The following TNR variants were observed in gnomAD, a reference collection of about 807,000 sequenced individuals.
TNR encodes the protein tenascin-R.
Under a neutral mutation model 150.4 loss-of-function variants are expected in TNR, and 45 were observed. The observed-to-expected ratio is 0.30, with a 90% CI of 0.24 to 0.38. TNR has a LOEUF of 0.38. Ranked by LOEUF, TNR falls within the 10% of genes least tolerant of loss-of-function variation. TNR has a pLI of 1.00. For missense variants in TNR, 1,544 were observed against 1,759.1 expected (o/e 0.88, Z 2.19); for synonymous variants, 687 against 678.4 (o/e 1.01, Z -0.20).
At chr1:175,695,680 G>T (rs1025632533) in intron 1 of TNR, among the ~76,000 whole-genome samples, 2 of 152,096 alleles carry the variant, frequency 1.3e-5, no homozygotes, top group Non-Finnish European at 1.5e-5. Flanking sequence ...CCTACTCATT[G>T]TCTTGATCTC....
intron 2 of TNR, among the ~76,000 whole-genome samples, chr1:175,421,738 G>T (rs944917850): frequency 6.6e-6 from 1 of 152,186 alleles, no homozygotes. Flanking sequence ...ACGTGGGACT[G>T]GTGGCTAGGT....
At chr1:175,457,079 G>A (rs917554684) in intron 2 of TNR, among the ~76,000 whole-genome samples, 2 of 152,104 alleles carry the variant, frequency 1.3e-5, no homozygotes, top group Non-Finnish European at 2.9e-5. Context: ...CATTTCTGAG[G>A]CATTAAGCTT....
At chr1:175,417,894 T>G (rs12756192) in intron 2 of TNR, among the ~76,000 whole-genome samples, 11,682 of 152,260 alleles carry the variant, frequency 0.077, 553 homozygotes, top group Middle Eastern at 0.15. Flanking sequence ...TTCTTCAGAT[T>G]ACTTGTGTGC....
chr1:175,711,655 C>T (rs747653534), intron 1 of TNR, among the ~76,000 whole-genome samples: 2 of 152,106 alleles, frequency 1.3e-5, no homozygotes, highest in South Asian at 2.1e-4. Flanking sequence ...GGACTGTGGC[C>T]GGGCCCAGGA....
At chr1:175,397,805 T>C (rs546812309) in intron 4 of TNR, among the ~76,000 whole-genome samples, 2 of 152,314 alleles carry the variant, frequency 1.3e-5, no homozygotes, top group African/African-American at 2.4e-5. Context: ...CACAGAGAAA[T>C]AGACTTTTGT....
At chr1:175,732,789 C>T (rs1667677384) in intron 1 of TNR, among the ~76,000 whole-genome samples, 2 of 152,180 alleles carry the variant, frequency 1.3e-5, no homozygotes, top group Admixed American at 1.3e-4. Flanking sequence ...GGTTTCCTCA[C>T]CTGTGAAAAG....
At chr1:175,535,776 TA>T (rs1292096879) in intron 1 of TNR, among the ~76,000 whole-genome samples, 2 of 152,188 alleles carry the variant, frequency 1.3e-5, no homozygotes. Flanking sequence ...TAGAAAGCAT[TA>T]TTTCATCAAG....
Position 175,652,923 on chromosome 1 carries a change from C to A in TNR, c.-165+90303G>T, listed in dbSNP as rs1333448261. On this transcript the variant is annotated intron_variant, in intron 1 of 22. Coordinates refer to ENST00000367674, the MANE Select transcript of TNR (RefSeq NM_003285.3). ...GGAAAGCAAATTGGCTAACAATAAC[C>A]ATTTGAAGAGACTGTCAATGTCACT... Among the ~76,000 whole-genome samples the A allele has an allele frequency of 2.6e-5, 4 of 152,244 alleles. No homozygotes were observed. In the East Asian group the frequency reaches 5.8e-4, roughly 22 times the overall value.
chr1:175,396,667 C>A lies in TNR; in HGVS notation c.1117G>T (p.Val373Leu). ...GTGACACCACTCCAATCTCCAGGCA[C>A]CCGCTGCTGGAGCTGGAGGCCCCCC... ...ALGGLQLQQR[V>L]PGDWSGVTIT... The change falls in exon 5 of 23, where the codon GTG (valine) becomes TTG (leucine). Residue 373 changes from valine (V) to leucine (L), a missense_variant. Val to Leu is a conservative substitution (Grantham distance 32). This residue lies in a region of TNR where 1,254 missense variants were observed against 1,329.4 expected (regional missense o/e 0.94). Transcript: ENST00000367674. 6.2e-7 allele frequency: 1 copy of A among 1,614,268 alleles called. No individual in the cohort carries two copies. The highest frequency in any genetic ancestry group is 1.1e-5 in the South Asian group (1 of 91,090).
At chr1:175,422,283 G>C (rs971694299) in intron 2 of TNR, among the ~76,000 whole-genome samples, 10 of 152,128 alleles carry the variant, frequency 6.6e-5, no homozygotes, top group African/African-American at 2.4e-4. Flanking sequence ...TTTCCCCCTG[G>C]AGGGTCCCTA....
At chr1:175,496,673 A>G (rs1658501732) in intron 2 of TNR, among the ~76,000 whole-genome samples, 1 of 152,228 alleles carries the variant, frequency 6.6e-6, no homozygotes, top group African/African-American at 2.4e-5. Flanking sequence ...CTCATTTTAT[A>G]AACAAGAAAC....
At chr1:175,555,426 C>T (rs1217472687) in intron 1 of TNR, among the ~76,000 whole-genome samples, 1 of 151,770 alleles carries the variant, frequency 6.6e-6, no homozygotes, top group South Asian at 2.1e-4. Context: ...CCTGGGCTGC[C>T]CCTCTATTCC....
intron 2 of TNR, among the ~76,000 whole-genome samples, chr1:175,517,750 A>C (rs1334506229): frequency 6.6e-6 from 1 of 152,192 alleles, no homozygotes; most frequent in Non-Finnish European, 1.5e-5. Flanking sequence ...CCTTGCACAG[A>C]TGATAAGTTT....
chr1:175,733,944 G>GC (rs59388224), intron 1 of TNR, among the ~76,000 whole-genome samples: 151,748 of 152,310 alleles, frequency 1, 75,597 homozygotes, highest in East Asian at 1. Flanking sequence ...ACATAGCCAG[G>GC]CCCACCAAGG....
intron 6 of TNR, among the ~76,000 whole-genome samples, 169 bp from the exon 7 acceptor site, chr1:175,391,607 C>T (rs988347831): frequency 8.5e-5 from 13 of 152,152 alleles, no homozygotes; most frequent in Non-Finnish European, 1.8e-4. Flanking sequence ...AGAAATAACT[C>T]CCCATAGACT....
chr1:175,357,089 C>T (rs1053053988), intron 15 of TNR, among the ~76,000 whole-genome samples: 11 of 152,180 alleles, frequency 7.2e-5, no homozygotes, highest in Admixed American at 2.6e-4. Flanking sequence ...CTCCCCCTAC[C>T]TCTCAATCCA....
chr1:175,350,550 C>T (rs1378630090), intron 18 of TNR, among the ~76,000 whole-genome samples: 1 of 152,114 alleles, frequency 6.6e-6, no homozygotes, highest in Non-Finnish European at 1.5e-5. Context: ...TTTTCTCTTC[C>T]ATACTACTTG....
At chr1:175,559,952 C>G (rs1661356493) in intron 1 of TNR, among the ~76,000 whole-genome samples, 1 of 152,204 alleles carries the variant, frequency 6.6e-6, no homozygotes, top group African/African-American at 2.4e-5. Flanking sequence ...GTCAGGAACA[C>G]TGGTCCAGGG....
chr1:175,635,642 T>A (rs1295406410), intron 1 of TNR, among the ~76,000 whole-genome samples: 1 of 152,118 alleles, frequency 6.6e-6, no homozygotes, highest in East Asian at 1.9e-4. Flanking sequence ...TGGAATTGAC[T>A]CTATAGAGAC....
Sources: allele counts gnomAD v4.1 joint callset (sites outside exome capture counted in the v4.1 genomes callset), GRCh38; gene constraint gnomAD v4.1.1; regional missense constraint gnomAD v4.1.1; transcripts MANE v1.5; gene names NCBI Gene and HGNC (gene_info 2026-07-23, HGNC 2026-07-21).